The following FEZ1 variants were observed in gnomAD, a reference collection of about 807,000 sequenced individuals.
The protein encoded by FEZ1 is fasciculation and elongation protein zeta 1, also known as fasciculation and elongation protein zeta-1.
A neutral mutation model predicts 49.3 loss-of-function variants in FEZ1; 20 were observed. The observed-to-expected ratio is 0.41, with a 90% confidence interval of 0.29 to 0.59. FEZ1 has a LOEUF of 0.59. Ranked by LOEUF, FEZ1 falls within the 20% of genes least tolerant of loss-of-function variation. FEZ1 has a pLI of 0.36. For missense variants in FEZ1, 413 were observed against 476.0 expected, an observed-to-expected ratio of 0.87 and a Z score of 1.23; for synonymous variants, 170 against 180.9, an observed-to-expected ratio of 0.94 and a Z score of 0.48.
At chr11:125,468,176 A>G (rs1222173150) in intron 3 of FEZ1, among the ~76,000 whole-genome samples, 1 of 151,968 alleles carries the variant, frequency 6.6e-6, no homozygotes, top group Non-Finnish European at 1.5e-5. Context: ...TCCACATAAT[A>G]ACTTTTTTTT....
At chr11:125,486,338 TAAGAGGC>T (rs1957326671) in intron 2 of FEZ1, among the ~76,000 whole-genome samples, 6 of 152,122 alleles carry the variant, frequency 3.9e-5, no homozygotes, top group African/African-American at 1.4e-4. Flanking sequence ...TAGTGACCCC[TAAGAGGC>T]TGTGACCTCC....
At chr11:125,493,551 AAAG>A (rs1957426145) in intron 1 of FEZ1, among the ~76,000 whole-genome samples, 2 of 150,852 alleles carry the variant, frequency 1.3e-5, no homozygotes, top group South Asian at 2.1e-4. Context: ...AGAAAGAAAG[AAAG>A]GTGATGTGGG....
intron 2 of FEZ1, among the ~76,000 whole-genome samples, chr11:125,482,989 A>C (rs1329260252): frequency 2.7e-5 from 4 of 149,750 alleles, no homozygotes; most frequent in Non-Finnish European, 4.4e-5. Context: ...AAAAAAAAAA[A>C]AAAAAAAAAA....
At chr11:125,457,659 G>T (rs1244746534) in intron 5 of FEZ1, among the ~76,000 whole-genome samples, 1 of 151,646 alleles carries the variant, frequency 6.6e-6, no homozygotes, top group East Asian at 1.9e-4. Flanking sequence ...TACATAGGGG[G>T]TGTATGTGTT....
intron 3 of FEZ1, among the ~76,000 whole-genome samples, chr11:125,477,610 T>C (rs665390): frequency 0.74 from 112,668 of 152,080 alleles, 41,951 homozygotes; most frequent in South Asian, 0.82. Context: ...TACCTGACCT[T>C]TACATCCCAG....
chr11:125,468,418 A>C (rs946900045), intron 3 of FEZ1, among the ~76,000 whole-genome samples: 1 of 152,068 alleles, frequency 6.6e-6, no homozygotes, highest in Non-Finnish European at 1.5e-5. Flanking sequence ...TCTAACTCCT[A>C]GGCTCAAGTG....
intron 3 of FEZ1, among the ~76,000 whole-genome samples, chr11:125,464,276 T>A (rs1214024184): frequency 6.6e-6 from 1 of 152,342 alleles, no homozygotes; most frequent in African/African-American, 2.4e-5. Flanking sequence ...AAATTCTAGA[T>A]GTTTAAATCT....
Position 125,467,900 on chromosome 11 carries a change from C to T in FEZ1, c.412-4330G>A, listed in dbSNP as rs374296527. Among the ~76,000 whole-genome samples, 13 of 152,226 alleles carry T rather than the reference C, an allele frequency of 8.5e-5. No individual in the cohort carries two copies. The East Asian group carries it at 2.5e-3, about 29-fold the overall frequency. On this transcript the variant is annotated intron_variant, in intron 3 of 9. Transcript: ENST00000278919. Reference sequence around the variant, plus strand: ...TTCCAATTTCCTCTTATCCAGACAACCACTATCTGCTATTAAATAAAGGTT... The same window carrying T: ...TTCCAATTTCCTCTTATCCAGACAATCACTATCTGCTATTAAATAAAGGTT...
Position 125,456,045 on chromosome 11 carries a change from G to T in FEZ1, c.729C>A (p.Ile243=), listed in dbSNP as rs773586831. Residue 243 remains isoleucine, a synonymous_variant, in exon 6 of 10, where the codon ATC becomes ATA. Coordinates refer to ENST00000278919, the MANE Select transcript of FEZ1 (RefSeq NM_005103.5). The stretch of plus-strand genomic sequence containing the variant: ...GCACCAGCTCCTCCGAGAAGTCACG[G>T]ATGGCACCCTCCACCTGGTCCAGCA... ...TELLDQVEGA[I]RDFSEELVQQ... The T allele has an allele frequency of 6.2e-7, 1 of 1,612,312 alleles. No homozygotes were observed. The highest frequency in any genetic ancestry group is 1.1e-5 in the South Asian group (1 of 90,928).
At position 125,465,692 on chromosome 11, in the gene FEZ1, G is replaced by A. The variant is rs137938036; in HGVS notation, c.412-2122C>T. Among the ~76,000 whole-genome samples the A allele has an allele frequency of 4.7e-4, 72 of 152,274 alleles. No homozygotes were observed. In the East Asian group the frequency reaches 0.012, roughly 26 times the overall value. On this transcript the variant is annotated intron_variant, in intron 3 of 9. Transcript: ENST00000278919. Reference sequence around the variant, plus strand: ...CATAAAATACGGCCAAGAAAACCCTGGCTCCTTCCCTCTATGTGCGGGTTA... The same window carrying A: ...CATAAAATACGGCCAAGAAAACCCTAGCTCCTTCCCTCTATGTGCGGGTTA...
At chr11:125,479,482 A>G (rs1474510588) in intron 3 of FEZ1, among the ~76,000 whole-genome samples, 2 of 152,164 alleles carry the variant, frequency 1.3e-5, no homozygotes, top group Non-Finnish European at 2.9e-5. Flanking sequence ...TGAGGCAGAA[A>G]TTTGCTTTTA....
rs1199550617 is a variant in FEZ1, at chr11:125,443,293, C to T, written c.*2802G>A. On this transcript the variant is annotated 3_prime_UTR_variant, in exon 10 of 10. Coordinates refer to ENST00000278919, the MANE Select transcript of FEZ1 (RefSeq NM_005103.5). ...TTGGGACTCTTCTGTGAGGTTTCTA[C>T]AATCCAGAAAGACCAGAAGAGGGAA... Among the ~76,000 whole-genome samples the T allele has an allele frequency of 6.6e-6, 1 of 152,076 alleles. No homozygotes were observed. The highest frequency in any genetic ancestry group is 1.9e-4 in the East Asian group (1 of 5,186).
At chr11:125,482,045 G>A (rs1310080960) in intron 2 of FEZ1, among the ~76,000 whole-genome samples, 1 of 151,392 alleles carries the variant, frequency 6.6e-6, no homozygotes, top group Non-Finnish European at 1.5e-5. Flanking sequence ...GAGAGAAAGG[G>A]AGAGAGAGAG....
chr11:125,489,419 C>T lies in FEZ1; in HGVS notation c.311+48G>A. 6.4e-7 allele frequency: 1 copy of T among 1,561,504 alleles called. No individual in the cohort carries two copies. The highest frequency in any genetic ancestry group is 8.6e-7 in the Non-Finnish European group (1 of 1,156,630). On this transcript the variant is annotated intron_variant, in intron 2 of 9. Coordinates refer to ENST00000278919, the MANE Select transcript of FEZ1 (RefSeq NM_005103.5). The surrounding 1 kb of genome is among the most constrained non-coding windows in gnomAD (Gnocchi z 4.2). ...CAGCACTATGTCAAGGAGACAAGGA[C>T]TACAGGGCTCTCGACTGAAGCAGGA...
chr11:125,480,438 G>A (rs1441305382), intron 3 of FEZ1, among the ~76,000 whole-genome samples: 1 of 152,084 alleles, frequency 6.6e-6, no homozygotes, highest in Non-Finnish European at 1.5e-5. Flanking sequence ...CTAATATCTG[G>A]GCCCCACCTC....
intron 2 of FEZ1, among the ~76,000 whole-genome samples, chr11:125,485,370 C>T (rs1957317693): frequency 6.6e-6 from 1 of 151,936 alleles, no homozygotes; most frequent in East Asian, 1.9e-4. Context: ...CTGGGGGGTG[C>T]CAGGACACGT....
intron 2 of FEZ1, among the ~76,000 whole-genome samples, chr11:125,483,877 G>A (rs1957305661): frequency 1.3e-5 from 2 of 152,170 alleles, no homozygotes; most frequent in African/African-American, 4.8e-5. Context: ...GGCTCTCTCG[G>A]GATCATTTAG....
Position 125,463,572 on chromosome 11 carries a change from TGGAGAGGAGGTGG to T in FEZ1, c.412-15_412-3del. ...CTCTTCCTCTTCTTTCTCATGGATC[TGGAGAGGAGGTGG>T]GGAGATGGAATTCTGGGTGACCATC... On this transcript the variant is annotated splice_polypyrimidine_tract_variant and splice_region_variant and intron_variant, in intron 3 of 9. Transcript: ENST00000278919. 1.9e-6 allele frequency: 3 copies of T among 1,591,560 alleles called. No homozygotes were observed. The South Asian group carries it at 3.3e-5, about 18-fold the overall frequency.
intron 7 of FEZ1, chr11:125,453,810 G>A (rs1051847356): frequency 5.2e-6 from 1 of 193,688 alleles, no homozygotes; most frequent in African/African-American, 2.3e-5. Flanking sequence ...CTCTAGGATG[G>A]GATCTATCAT....
Sources: gnomAD v4.1 joint callset for allele counts (sites outside exome capture counted in the v4.1 genomes callset) on GRCh38, gnomAD v4.1.1 for gene constraint, Gnocchi (gnomAD v3.1) non-coding constraint, MANE v1.5 for transcripts, NCBI Gene and HGNC (gene_info 2026-07-23, HGNC 2026-07-21) for gene names.